Variants in RASGRF1 observed in about 807,000 individuals in gnomAD.
RASGRF1 encodes ras-specific guanine nucleotide-releasing factor 1.
RASGRF1 carries 40 observed loss-of-function variants against 138.7 expected under a neutral mutation model. The observed-to-expected ratio is 0.29, with a 90% CI of 0.22 to 0.38. The LOEUF (loss-of-function observed/expected upper bound fraction) is 0.38, where lower values mean the gene tolerates loss of function less well. RASGRF1 is among the 10% of genes least tolerant of loss of function. RASGRF1 has a pLI of 1.00. For missense variants in RASGRF1, 1,108 were observed against 1,650.4 expected, an observed-to-expected ratio of 0.67 and a Z score of 5.69; for synonymous variants, 614 against 663.2, an observed-to-expected ratio of 0.93 and a Z score of 1.14.
chr15:79,031,354 C>T lies in RASGRF1; in HGVS notation c.1262+46G>A, dbSNP rs962894198. The T allele has an allele frequency of 3.5e-6, 5 of 1,445,898 alleles. No individual in the cohort carries two copies. In the Admixed American group the frequency reaches 5.7e-5, roughly 16 times the overall value. The allele number at this position is 1,445,898 out of a possible 1,614,324, so 89.6% of individuals were successfully genotyped here. ...AACTCCTGGTGAGGGGCACCCTCAG[C>T]CCTGCCCTGTCTGCCGGTCTGGTGC... On this transcript the variant is annotated intron_variant, in intron 8 of 26. Coordinates refer to ENST00000558480, the MANE Select transcript of RASGRF1 (RefSeq NM_001145648.3).
Position 79,046,812 on chromosome 15 carries a change from C to G in RASGRF1, c.812G>C (p.Arg271Pro). Residue 271 changes from arginine to proline, a missense_variant, in exon 5 of 27, where the codon CGG becomes CCG. Physicochemically the swap from Arg to Pro is moderately radical, Grantham distance 103. Transcript: ENST00000558480. The surrounding 1 kb of genome is among the most constrained non-coding windows in gnomAD (Gnocchi z 5.3). ...ILVNNFLRPL[R>P]MAASSKKPPI... ...AGGCTTCTTGGAGCTGGCGGCCATCCGCAGCGGGCGCAGGAAATTGTTGAC... is the reference window on the plus strand; with the variant it reads ...AGGCTTCTTGGAGCTGGCGGCCATCGGCAGCGGGCGCAGGAAATTGTTGAC... The G allele has an allele frequency of 6.2e-7, 1 of 1,614,230 alleles. No individual in the cohort carries two copies. Among genetic ancestry groups the G allele is most frequent in the Non-Finnish European group, 8.5e-7 (1 of 1,180,056 alleles).
At chr15:78,979,068 G>T in intron 24 of RASGRF1, 1 of 1,290,632 alleles carries the variant, frequency 7.7e-7, no homozygotes, top group South Asian at 1.2e-5. Context: ...TGGATGGAGT[G>T]GTGCCCCGGG....
At chr15:79,031,331 C>A (rs1402603398) in intron 8 of RASGRF1, 69 bp downstream of exon 8, 2 of 1,249,430 alleles carry the variant, frequency 1.6e-6, no homozygotes, top group Admixed American at 4.3e-5. Flanking sequence ...GTTCAGCGAA[C>A]TCCTGGTGAG....
intron 13 of RASGRF1, among the ~76,000 whole-genome samples, chr15:79,008,583 A>T (rs928770070): frequency 6.6e-6 from 1 of 152,238 alleles, no homozygotes; most frequent in Non-Finnish European, 1.5e-5. Context: ...ATGAAAAACA[A>T]GAGTGCTAAA....
In RASGRF1 at chr15:79,064,430, C is replaced by A; in HGVS notation, c.373G>T (p.Ala125Ser). The A allele has an allele frequency of 6.2e-7, 1 of 1,613,922 alleles. No individual in the cohort carries two copies. Among genetic ancestry groups the A allele is most frequent in the Non-Finnish European group, 8.5e-7 (1 of 1,179,796 alleles). ...GGCAAGGAGACATACCTGGCATGTGCAATGGCTGCCACCCATTCGTCACAA... is the reference window on the plus strand; with the variant it reads ...GGCAAGGAGACATACCTGGCATGTGAAATGGCTGCCACCCATTCGTCACAA... ...KDCDEWVAAI[A>S]HASYRTLATE... The change falls in exon 2 of 27, where the codon GCA becomes TCA. Residue 125 changes from alanine to serine, a missense_variant. Physicochemically the swap from Ala to Ser is moderately conservative, Grantham distance 99. Coordinates refer to ENST00000558480, the MANE Select transcript of RASGRF1 (RefSeq NM_001145648.3).
chr15:79,013,188 C>T (rs1178170990), intron 13 of RASGRF1, among the ~76,000 whole-genome samples: 1 of 152,228 alleles, frequency 6.6e-6, no homozygotes, highest in Non-Finnish European at 1.5e-5. Context: ...CATATTCACA[C>T]ACAAAGCTAG....
intron 26 of RASGRF1, among the ~76,000 whole-genome samples, chr15:78,969,751 G>A (rs1047412917): frequency 6.6e-6 from 1 of 152,056 alleles, no homozygotes; most frequent in African/African-American, 2.4e-5. Context: ...CCTCTCCCCT[G>A]CTTCATTTCT....
chr15:79,090,310 C>A lies in RASGRF1; in HGVS notation c.189G>T (p.Ser63=). The A allele has an allele frequency of 1.2e-6, 2 of 1,613,728 alleles. No homozygotes were observed. Among genetic ancestry groups the A allele is most frequent in the Non-Finnish European group, 1.7e-6 (2 of 1,179,940 alleles). The change falls in exon 1 of 27, where the codon TCG becomes TCT. Residue 63 remains serine (S), a synonymous_variant. Transcript: ENST00000558480. ...CGCAGCCCTCCAGCAGGTAAAGCCC[C>A]GAGGGCCGCGAGCTCGAGTCGCTCT... ...YFESDSSSRP[S]GLYLLEGCVC...
intron 9 of RASGRF1, among the ~76,000 whole-genome samples, chr15:79,026,987 G>A (rs1474209134): frequency 2.0e-5 from 3 of 152,146 alleles, no homozygotes; most frequent in African/African-American, 7.2e-5. Context: ...ACAGGCCAGC[G>A]GGAGGCGCTG....
chr15:79,080,766 A>G (rs189314431), intron 1 of RASGRF1, among the ~76,000 whole-genome samples: 1 of 152,336 alleles, frequency 6.6e-6, no homozygotes, highest in East Asian at 1.9e-4. Flanking sequence ...CTGATGGATT[A>G]GTAAAATCTA....
Position 78,971,938 on chromosome 15 carries a change from T to C in RASGRF1, c.3613-4A>G, listed in dbSNP as rs533857304. The C allele has an allele frequency of 6.3e-7, 1 of 1,575,410 alleles. No homozygotes were observed. Among genetic ancestry groups the C allele is most frequent in the East Asian group, 2.2e-5 (1 of 44,688 alleles). ...TCTCTCGGATAATATGGGATATCTG[T>C]GGGAAGGAAGGAGTGTTTCAGAATG... On this transcript the variant is annotated splice_region_variant and splice_polypyrimidine_tract_variant and intron_variant, in intron 25 of 26. Transcript: ENST00000558480.
chr15:79,090,668 T>C lies in RASGRF1; in HGVS notation c.-170A>G. 7 of 926,594 alleles carry C rather than the reference T, an allele frequency of 7.6e-6. No homozygotes were observed. Among genetic ancestry groups the C allele is most frequent in the Non-Finnish European group, 1.1e-5 (7 of 633,132 alleles). 57.4% of individuals were successfully genotyped at this position (926,594 alleles called of 1,614,324 possible). A position where few individuals can be genotyped will look rare whatever the true frequency, so the allele number is the denominator to read the frequency against. ...CAGGATCTGGCGCCGAGCCGCGGCT[T>C]CTTGAATCCAGATATACCATTCCCC... On this transcript the variant is annotated 5_prime_UTR_variant, in exon 1 of 27. Coordinates refer to ENST00000558480, the MANE Select transcript of RASGRF1 (RefSeq NM_001145648.3).
At chr15:79,086,751 C>T (rs141158914) in intron 1 of RASGRF1, among the ~76,000 whole-genome samples, 2 of 152,228 alleles carry the variant, frequency 1.3e-5, no homozygotes, top group Non-Finnish European at 2.9e-5. Flanking sequence ...TGGCTGGGTA[C>T]CCTACTGAGA....
chr15:79,077,000 G>A (rs1307926713), intron 1 of RASGRF1, among the ~76,000 whole-genome samples: 1 of 152,200 alleles, frequency 6.6e-6, no homozygotes, highest in Non-Finnish European at 1.5e-5. Context: ...TCAGGCATGG[G>A]CAATGGAGCT....
chr15:79,001,500 G>A (rs898948749), intron 16 of RASGRF1, among the ~76,000 whole-genome samples, 162 bp downstream of exon 16: 1 of 152,092 alleles, frequency 6.6e-6, no homozygotes, highest in African/African-American at 2.4e-5. Flanking sequence ...GTGGCGGGGG[G>A]CGGGTGGTGG....
rs186950123 is a variant in RASGRF1 at position 79,027,447 on chromosome 15, G to T, written c.1381+294C>A. Among the ~76,000 whole-genome samples the T allele has an allele frequency of 4.6e-5, 7 of 152,240 alleles. No individual in the cohort carries two copies. The East Asian group carries it at 1.3e-3, about 29-fold the overall frequency. ...ACTTTCTCCCCAAAAAGGACATGTCGATGTTTACTATGACATACAATAGAC... is the reference window on the plus strand; with the variant it reads ...ACTTTCTCCCCAAAAAGGACATGTCTATGTTTACTATGACATACAATAGAC... On this transcript the variant is annotated intron_variant, in intron 9 of 26. Transcript: ENST00000558480. The surrounding 1 kb of genome is among the most constrained non-coding windows in gnomAD (Gnocchi z 4.8).
intron 24 of RASGRF1, chr15:78,978,604 C>T (rs1567436846): frequency 9.1e-6 from 9 of 992,838 alleles, no homozygotes; most frequent in Non-Finnish European, 1.1e-5. Context: ...TGGTGAGGCC[C>T]ATAGCAGGAC....
intron 1 of RASGRF1, 137 bp downstream of exon 1, chr15:79,090,086 C>T: frequency 1.6e-6 from 2 of 1,263,406 alleles, no homozygotes; most frequent in Non-Finnish European, 2.1e-6. Flanking sequence ...CCTCCCCTCT[C>T]GCTGAGGGTG....
At position 79,027,746 on chromosome 15, in the gene RASGRF1, C is replaced by T; in HGVS notation, c.1376G>A (p.Arg459Lys). 1 of 1,614,114 alleles carries T rather than the reference C, an allele frequency of 6.2e-7. No individual in the cohort carries two copies. Among genetic ancestry groups the T allele is most frequent in the Non-Finnish European group, 8.5e-7 (1 of 1,179,956 alleles). Residue 459 changes from arginine (R) to lysine (K), a missense_variant, in exon 9 of 27, where the codon AGA becomes AAA. Arg to Lys is a conservative substitution (Grantham distance 26). Coordinates refer to ENST00000558480, the MANE Select transcript of RASGRF1 (RefSeq NM_001145648.3). This position sits in a 1 kb window ranked among gnomAD's most constrained non-coding sequence, Gnocchi z 4.8. ...ACAGGGTGCAGAGGCCATACCTTGT[C>T]TCACAAAGGTCTGGCTGGTGTCCAG... ...ILLDTSQTFV[R>K]QGSLIQVPMS...
Sources: gnomAD v4.1 joint callset for allele counts (sites outside exome capture counted in the v4.1 genomes callset) on GRCh38, gnomAD v4.1.1 for gene constraint, Gnocchi (gnomAD v3.1) non-coding constraint, MANE v1.5 for transcripts, NCBI Gene and HGNC (gene_info 2026-07-23, HGNC 2026-07-21) for gene names.